CORO2B: variants seen among roughly 807,000 people sequenced by gnomAD.
CORO2B encodes the protein coronin 2B, also known as coronin-2B.
Under a neutral mutation model 58.8 loss-of-function variants are expected in CORO2B, and 26 were observed. That is an observed-to-expected ratio of 0.44 (90% CI 0.32 to 0.61). CORO2B has a LOEUF of 0.61. CORO2B is among the 20% of genes least tolerant of loss of function. CORO2B has a pLI of 0.04. For synonymous variants in CORO2B, 242 were observed against 253.8 expected (o/e 0.95, Z 0.44); for missense variants, 460 against 645.1 (o/e 0.71, Z 3.11).
At chr15:68,619,937 AGTCTCACTCT>A (rs1201224908) in intron 1 of CORO2B, among the ~76,000 whole-genome samples, 2 of 151,996 alleles carry the variant, frequency 1.3e-5, no homozygotes, top group African/African-American at 4.8e-5. Flanking sequence ...TTTGAGACAG[AGTCTCACTCT>A]GTCTCCCAGG....
At chr15:68,725,664 A>G (rs1273668156) in intron 11 of CORO2B, among the ~76,000 whole-genome samples, 179 bp from the exon 12 acceptor site, 85 of 151,950 alleles carry the variant, frequency 5.6e-4, no homozygotes, top group Non-Finnish European at 1.5e-5. Context: ...CCATGGGCTG[A>G]GCTAGAGATG....
At chr15:68,673,062 A>G (rs1223975849) in intron 2 of CORO2B, among the ~76,000 whole-genome samples, 1 of 152,160 alleles carries the variant, frequency 6.6e-6, no homozygotes, top group Non-Finnish European at 1.5e-5. Flanking sequence ...TGTAGCTTAC[A>G]GGGGTGGTGA....
At chr15:68,681,127 CG>C (rs367786874) in intron 2 of CORO2B, among the ~76,000 whole-genome samples, 27,194 of 152,080 alleles carry the variant, frequency 0.18, 2,986 homozygotes, top group Non-Finnish European at 0.24. Context: ...GCAGGAGAAT[CG>C]CTTGAACCCA....
intron 1 of CORO2B, among the ~76,000 whole-genome samples, chr15:68,613,900 A>T (rs1900295316): frequency 6.6e-6 from 1 of 152,216 alleles, no homozygotes; most frequent in Non-Finnish European, 1.5e-5. Flanking sequence ...CTTTTCAATT[A>T]TAAATTGCTG....
At chr15:68,528,719 T>C in the CORO2B span, among the ~76,000 whole-genome samples, 1 of 151,468 alleles carries the variant, frequency 6.6e-6, no homozygotes, top group Non-Finnish European at 1.5e-5. Flanking sequence ...TTGGTATTTC[T>C]TTCTTAAGTG....
intron 3 of CORO2B, among the ~76,000 whole-genome samples, chr15:68,704,503 G>A (rs1892736500): frequency 6.6e-6 from 1 of 152,168 alleles, no homozygotes; most frequent in African/African-American, 2.4e-5. Context: ...GTCAGAGCCT[G>A]CATTCTAACA....
At chr15:68,569,932 C>G in the CORO2B span, among the ~76,000 whole-genome samples, 2 of 152,210 alleles carry the variant, frequency 1.3e-5, no homozygotes, top group Middle Eastern at 3.2e-3. Flanking sequence ...ATAACCCCTA[C>G]AGTGCACAGG....
the CORO2B span, among the ~76,000 whole-genome samples, chr15:68,539,215 A>G: frequency 1.3e-5 from 2 of 152,134 alleles, no homozygotes; most frequent in African/African-American, 2.4e-5. Flanking sequence ...TCCTTCTGCT[A>G]TGTCTCTGTA....
At chr15:68,641,639 A>G (rs752641558) in intron 1 of CORO2B, 2 of 969,404 alleles carry the variant, frequency 2.1e-6, no homozygotes, top group Non-Finnish European at 2.5e-6. Flanking sequence ...TCAGGTCAGC[A>G]TGTCCTGTGC....
intron 1 of CORO2B, among the ~76,000 whole-genome samples, chr15:68,602,119 C>T (rs778629834): frequency 1.3e-5 from 2 of 151,790 alleles, no homozygotes; most frequent in African/African-American, 2.4e-5. Flanking sequence ...ACATTGGCAC[C>T]GTCTGAGTTC....
At chr15:68,655,503 G>A (rs956287641) in intron 2 of CORO2B, among the ~76,000 whole-genome samples, 1 of 152,108 alleles carries the variant, frequency 6.6e-6, no homozygotes, top group African/African-American at 2.4e-5. Flanking sequence ...GACAAGTCCT[G>A]ATCCCAAAAA....
At chr15:68,609,746 C>G (rs58769702) in intron 1 of CORO2B, among the ~76,000 whole-genome samples, 1,617 of 152,322 alleles carry the variant, frequency 0.011, 24 homozygotes, top group African/African-American at 0.035. Flanking sequence ...GATGGAAGGC[C>G]GTTGCTCTGG....
chr15:68,553,030 G>A, the CORO2B span, among the ~76,000 whole-genome samples: 287 of 152,324 alleles, frequency 1.9e-3, 2 homozygotes, highest in African/African-American at 3.2e-3. Context: ...GCCAGGCCCC[G>A]GAAACATGGG....
At chr15:68,637,087 G>A (rs570464155) in intron 1 of CORO2B, among the ~76,000 whole-genome samples, 1 of 152,340 alleles carries the variant, frequency 6.6e-6, no homozygotes, top group East Asian at 1.9e-4. Context: ...CCAAATGTTG[G>A]TTCCACAGAT....
chr15:68,718,754 A>G lies in CORO2B; in HGVS notation c.1024A>G (p.Lys342Glu). 6.2e-7 allele frequency: 1 copy of G among 1,614,142 alleles called. No homozygotes were observed. Among genetic ancestry groups the G allele is most frequent in the Non-Finnish European group, 8.5e-7 (1 of 1,180,020 alleles). The change falls in exon 9 of 12, where the codon AAG becomes GAG. Residue 342 changes from lysine to glutamate, a missense_variant. This residue lies in a region of CORO2B where 352 missense variants were observed against 543.0 expected (regional missense o/e 0.65). Transcript: ENST00000261861. ...AGCCTGCGAGGTGTTCCGCTTCTAC[A>G]AGCTGGTGACTCTCAAGGGCCTGAT... ...VSACEVFRFY[K>E]LVTLKGLIEP... is the part of the protein sequence containing the mutation.
At chr15:68,555,130 C>T in the CORO2B span, among the ~76,000 whole-genome samples, 5 of 152,284 alleles carry the variant, frequency 3.3e-5, no homozygotes, top group Admixed American at 6.5e-5. Flanking sequence ...CGCTGGGTGA[C>T]GTCAGACTCT....
chr15:68,645,873 A>G lies in CORO2B; in HGVS notation c.216+513A>G, dbSNP rs916613966. ...ACTGCAACCTCTGCCTCCCAGGTTC[A>G]AGCGATTCTCCTGCCTCAGCCTCCC... is the stretch of plus-strand genomic sequence containing the variant. On this transcript the variant is annotated intron_variant, in intron 2 of 11. Coordinates refer to ENST00000261861, the MANE Select transcript of CORO2B (RefSeq NM_006091.5). This position sits in a 1 kb window ranked among gnomAD's most constrained non-coding sequence, Gnocchi z 4.5. 6.6e-5 allele frequency among the ~76,000 whole-genome samples: 10 copies of G among 151,964 alleles called. No homozygotes were observed. The highest frequency in any genetic ancestry group is 1.3e-4 in the Non-Finnish European group (9 of 67,988).
chr15:68,525,094 G>T, the CORO2B span, among the ~76,000 whole-genome samples: 2 of 152,112 alleles, frequency 1.3e-5, no homozygotes, highest in Non-Finnish European at 1.5e-5. Context: ...AGCCAAATCT[G>T]CCACTCTCAG....
At chr15:68,586,827 C>T (rs1899571585) in intron 1 of CORO2B, among the ~76,000 whole-genome samples, 1 of 152,138 alleles carries the variant, frequency 6.6e-6, no homozygotes, top group South Asian at 2.1e-4. Flanking sequence ...CCCGATGCCT[C>T]ACGGAGCCTC....
Sources: allele counts gnomAD v4.1 joint callset (sites outside exome capture counted in the v4.1 genomes callset), GRCh38; gene constraint gnomAD v4.1.1; regional missense constraint gnomAD v4.1.1; non-coding constraint Gnocchi (gnomAD v3.1); transcripts MANE v1.5; gene names NCBI Gene and HGNC (gene_info 2026-07-23, HGNC 2026-07-21).